LEKR1: variants seen among roughly 807,000 people sequenced by gnomAD.
LEKR1 encodes protein LEKR1.
Under a neutral mutation model 72.4 loss-of-function variants are expected in LEKR1, and 59 were observed. That is an observed-to-expected ratio of 0.82 (90% CI 0.66 to 1.01). LEKR1 has a LOEUF of 1.01. Ranked by LOEUF, LEKR1 falls within the 50% of genes least tolerant of loss-of-function variation. LEKR1 has a pLI of 0.00. For synonymous variants in LEKR1, 257 were observed against 263.2 expected, an observed-to-expected ratio of 0.98 and a Z score of 0.23; for missense variants, 728 against 759.2, an observed-to-expected ratio of 0.96 and a Z score of 0.48.
chr3:157,046,084 CT>C lies in LEKR1; in HGVS notation c.*335del. On this transcript the variant is annotated 3_prime_UTR_variant, in exon 13 of 13. Transcript: ENST00000356539. Reference sequence around the variant, plus strand: ...AACATCTTTTCAATTTCTTGCGCCACTACAAGCAGATATATTTCCACAAAAA... The same window carrying C: ...AACATCTTTTCAATTTCTTGCGCCACACAAGCAGATATATTTCCACAAAAA... The C allele has an allele frequency of 4.6e-6, 1 of 217,224 alleles. No homozygotes were observed. The highest frequency in any genetic ancestry group is 2.3e-5 in the African/African-American group (1 of 43,734). 13.5% of individuals were successfully genotyped at this position (217,224 alleles called of 1,614,324 possible).
intron 3 of LEKR1, among the ~76,000 whole-genome samples, chr3:156,911,987 T>C (rs1366928884): frequency 1.3e-5 from 2 of 152,214 alleles, no homozygotes; most frequent in East Asian, 3.9e-4. Flanking sequence ...CTATTAGGGC[T>C]CTTTTTTTAT....
At chr3:156,959,171 G>A (rs1576899781) in intron 6 of LEKR1, among the ~76,000 whole-genome samples, 1 of 152,084 alleles carries the variant, frequency 6.6e-6, no homozygotes, top group East Asian at 1.9e-4. Context: ...TAAATCATCA[G>A]GTTAATATAA....
intron 3 of LEKR1, among the ~76,000 whole-genome samples, chr3:156,869,232 A>G (rs1576698372): frequency 6.6e-6 from 1 of 152,008 alleles, no homozygotes; most frequent in East Asian, 1.9e-4. Context: ...GGATTGCTAG[A>G]TTGTATGGCA....
At chr3:157,022,572 T>C (rs1449021773) in intron 10 of LEKR1, among the ~76,000 whole-genome samples, 1 of 151,896 alleles carries the variant, frequency 6.6e-6, no homozygotes, top group Non-Finnish European at 1.5e-5. Flanking sequence ...CTAACTTGAG[T>C]AACTAGATGG....
intron 5 of LEKR1, among the ~76,000 whole-genome samples, chr3:156,937,198 A>T (rs1725799138): frequency 6.7e-6 from 1 of 149,974 alleles, no homozygotes; most frequent in Non-Finnish European, 1.5e-5. Flanking sequence ...CAACAACAAC[A>T]ACTTCTGCTC....
chr3:156,890,551 A>G (rs1720545473), intron 3 of LEKR1, among the ~76,000 whole-genome samples: 1 of 152,224 alleles, frequency 6.6e-6, no homozygotes, highest in Non-Finnish European at 1.5e-5. Flanking sequence ...AATAATTCAC[A>G]TTATATATTT....
intron 9 of LEKR1, among the ~76,000 whole-genome samples, chr3:157,007,520 A>C (rs1302733885): frequency 6.6e-6 from 1 of 152,244 alleles, no homozygotes; most frequent in Non-Finnish European, 1.5e-5. Context: ...GGTGCCAGTC[A>C]GGTGACTTAC....
chr3:156,977,456 GC>G, intron 6 of LEKR1: 1 of 481,230 alleles, frequency 2.1e-6, no homozygotes, highest in Admixed American at 2.4e-5. Context: ...TGAACTCAGT[GC>G]CCACCCCTTG....
intron 9 of LEKR1, among the ~76,000 whole-genome samples, chr3:156,993,543 GAAAAA>G (rs549549285): frequency 0.012 from 1,735 of 140,962 alleles, 36 homozygotes; most frequent in African/African-American, 0.043. Flanking sequence ...AATTCTTCTT[GAAAAA>G]AAAAAAAATC....
intron 3 of LEKR1, among the ~76,000 whole-genome samples, chr3:156,875,992 CAAAAAAAAAAAAA>C (rs55816001): frequency 2.6e-4 from 18 of 70,190 alleles, no homozygotes; most frequent in East Asian, 1.8e-3. Context: ...GACTCCATCT[CAAAAAAAAAAAAA>C]AAAAAAAAAA....
chr3:156,956,745 A>T (rs1727672811), intron 6 of LEKR1, among the ~76,000 whole-genome samples: 1 of 152,066 alleles, frequency 6.6e-6, no homozygotes, highest in Admixed American at 6.6e-5. Flanking sequence ...ACCTAAAAAC[A>T]GCAGACTGAC....
At chr3:156,829,244 C>T (rs1712052598) in intron 1 of LEKR1, 42 bp from the exon 2 acceptor site, 3 of 749,210 alleles carry the variant, frequency 4.0e-6, no homozygotes, top group African/African-American at 1.7e-5. Flanking sequence ...TGAATGTTCT[C>T]TACATTATTT....
chr3:156,850,826 C>G (rs1393642188), intron 2 of LEKR1, among the ~76,000 whole-genome samples: 1 of 150,094 alleles, frequency 6.7e-6, no homozygotes, highest in Non-Finnish European at 1.5e-5. Flanking sequence ...GCTATGGATT[C>G]TCTAAAATGG....
At position 157,024,750 on chromosome 3, in the gene LEKR1, C is replaced by T. The variant is rs373265898; in HGVS notation, c.1204-10C>T. 3.1e-6 allele frequency: 5 copies of T among 1,590,620 alleles called. No homozygotes were observed. Among genetic ancestry groups the T allele is most frequent in the South Asian group, 2.4e-5 (2 of 84,720 alleles). The stretch of plus-strand genomic sequence containing the variant: ...AATAGTTTTACATGTGCTTTAAATG[C>T]CATTTCTAGATTGAAGCAGAACTTG... On this transcript the variant is annotated splice_polypyrimidine_tract_variant and intron_variant, in intron 10 of 12. Transcript: ENST00000356539.
intron 3 of LEKR1, among the ~76,000 whole-genome samples, chr3:156,873,626 T>C (rs1718218294): frequency 1.3e-5 from 2 of 152,072 alleles, no homozygotes; most frequent in Admixed American, 1.3e-4. Context: ...TGGTATTTAT[T>C]GTCCTTTTAA....
chr3:156,890,439 T>C (rs1720534342), intron 3 of LEKR1, among the ~76,000 whole-genome samples: 1 of 152,192 alleles, frequency 6.6e-6, no homozygotes, highest in Non-Finnish European at 1.5e-5. Context: ...GTATAATTGA[T>C]AAAACCAAGA....
At chr3:156,901,195 A>G (rs1294004117) in intron 3 of LEKR1, among the ~76,000 whole-genome samples, 2 of 151,780 alleles carry the variant, frequency 1.3e-5, no homozygotes, top group Non-Finnish European at 2.9e-5. Context: ...TCTTCCCTTC[A>G]TTACTGCAGA....
Position 157,025,861 on chromosome 3 carries a change from T to TAA in LEKR1, c.1368+948_1368+949dup, listed in dbSNP as rs35449146. 2.3e-3 allele frequency among the ~76,000 whole-genome samples: 335 copies of TAA among 147,038 alleles called. 1 individual carries two copies. Among genetic ancestry groups the TAA allele is most frequent in the African/African-American group, 3.6e-3 (146 of 40,008 alleles). On this transcript the variant is annotated intron_variant, in intron 11 of 12. Coordinates refer to ENST00000356539, the MANE Select transcript of LEKR1 (RefSeq NM_001004316.3). ...GACAACATAGCAAGACTGTCTCTAT[T>TAA]AAAAAAAAAAAAGACTTAATTAGCC... is the stretch of plus-strand genomic sequence containing the variant.
intron 5 of LEKR1, among the ~76,000 whole-genome samples, chr3:156,938,712 T>C (rs552537112): frequency 1.3e-5 from 2 of 152,344 alleles, no homozygotes; most frequent in East Asian, 3.9e-4. Context: ...TTTTTTTATT[T>C]ATTTAGTAAA....
Sources: gnomAD v4.1 joint callset for allele counts (sites outside exome capture counted in the v4.1 genomes callset) on GRCh38, gnomAD v4.1.1 for gene constraint, MANE v1.5 for transcripts, NCBI Gene and HGNC (gene_info 2026-07-23, HGNC 2026-07-21) for gene names.